Variants in ZFPM1 observed in about 807,000 individuals in gnomAD.
ZFPM1 encodes zinc finger protein ZFPM1.
Under a neutral mutation model 46.3 loss-of-function variants are expected in ZFPM1, and 28 were observed. That is an observed-to-expected ratio of 0.60 (90% CI 0.45 to 0.83). ZFPM1 has a LOEUF of 0.83. Ranked by LOEUF, ZFPM1 falls within the 40% of genes least tolerant of loss-of-function variation. ZFPM1 has a pLI of 0.00. For missense variants in ZFPM1, 1,878 were observed against 1,432.4 expected, an observed-to-expected ratio of 1.31 and a Z score of -5.02; for synonymous variants, 957 against 675.9, an observed-to-expected ratio of 1.42 and a Z score of -6.45.
In ZFPM1 at chr16:88,534,464, A is replaced by T; in HGVS notation, c.2506A>T (p.Lys836Ter). 6.7e-7 allele frequency: 1 copy of T among 1,493,944 alleles called. No individual in the cohort carries two copies. The highest frequency in any genetic ancestry group is 8.9e-7 in the Non-Finnish European group (1 of 1,128,862). The allele number at this position is 1,493,944 out of a possible 1,614,324, so 92.5% of individuals were successfully genotyped here. ...FHSLEAYLAH[K>*]KYSCPAAPPP... The stretch of plus-strand genomic sequence containing the variant: ...CAGCCTCGAGGCCTACCTGGCGCAC[A>T]AGAAGTACTCGTGCCCCGCTGCGCC... Residue 836 changes from lysine (K) to a stop codon, truncating the protein, a stop_gained, in exon 10 of 10, where the codon AAG becomes TAG. Coordinates refer to ENST00000319555, the MANE Select transcript of ZFPM1 (RefSeq NM_153813.3). LOFTEE classifies it low-confidence loss of function (END_TRUNC).
intron 3 of ZFPM1, among the ~76,000 whole-genome samples, chr16:88,495,868 A>G (rs1194116128): frequency 5.3e-5 from 8 of 152,070 alleles, no homozygotes; most frequent in African/African-American, 1.7e-4. Context: ...ACAAAATGCA[A>G]CTGGGCCATG....
chr16:88,522,753 G>A (rs528196359), intron 4 of ZFPM1, among the ~76,000 whole-genome samples: 6 of 152,258 alleles, frequency 3.9e-5, no homozygotes, highest in East Asian at 3.9e-4. Flanking sequence ...CCCAAGGGGC[G>A]GCAAACAGGG....
chr16:88,519,339 AGATGAATGGATGAGTGGATG>A (rs1299715898), intron 4 of ZFPM1, among the ~76,000 whole-genome samples: 1 of 132,898 alleles, frequency 7.5e-6, no homozygotes, highest in Non-Finnish European at 1.6e-5. Context: ...ATGAGTGGAT[AGATGAATGGATGAGTGGATG>A]GATGAATGGA....
In ZFPM1 at chr16:88,494,581, T is replaced by C. The variant is rs561047790; in HGVS notation, c.268+5428T>C. ...GGAGGGGGCTGATTCCAGGAGGGGG[T>C]GTCCGCGGGCCTCCAGGGTGAGTCG... On this transcript the variant is annotated intron_variant, in intron 3 of 9. Coordinates refer to ENST00000319555, the MANE Select transcript of ZFPM1 (RefSeq NM_153813.3). 5.3e-5 allele frequency among the ~76,000 whole-genome samples: 8 copies of C among 151,318 alleles called. No homozygotes were observed. In the South Asian group the frequency reaches 1.7e-3, roughly 32 times the overall value.
rs541772944 is a variant in ZFPM1, at chr16:88,510,258, C to T, written c.269-4129C>T. 2.6e-5 allele frequency among the ~76,000 whole-genome samples: 4 copies of T among 152,302 alleles called. No homozygotes were observed. In the East Asian group the frequency reaches 5.8e-4, roughly 22 times the overall value. On this transcript the variant is annotated intron_variant, in intron 3 of 9. Coordinates refer to ENST00000319555, the MANE Select transcript of ZFPM1 (RefSeq NM_153813.3). ...CCCCAGGCCTGTGGATTCCAAACCC[C>T]AGCTCTCCCTCCCCAGGCACCCCCA...
At chr16:88,460,984 A>G (rs796671595) in intron 1 of ZFPM1, among the ~76,000 whole-genome samples, 3 of 12,064 alleles carry the variant, frequency 2.5e-4, no homozygotes, top group East Asian at 3.4e-3. Context: ...GACCGAGGGG[A>G]GGGGCGGGAG....
In ZFPM1 at chr16:88,534,328, G is replaced by A. The variant is rs1005652750; in HGVS notation, c.2370G>A (p.Ala790=). 4 of 1,346,542 alleles carry A rather than the reference G, an allele frequency of 3.0e-6. No individual in the cohort carries two copies. Among genetic ancestry groups the A allele is most frequent in the South Asian group, 3.2e-5 (2 of 61,938 alleles). 83.4% of individuals were successfully genotyped at this position (1,346,542 alleles called of 1,614,324 possible). ...GLAPARSPGP[A]ADGPIDLSKK... ...CCCCTGCGCGCTCGCCCGGCCCCGC[G>A]GCCGACGGCCCCATCGACCTGAGCA... The change falls in exon 10 of 10, where the codon GCG becomes GCA. Residue 790 remains alanine, a synonymous_variant. Transcript: ENST00000319555.
At chr16:88,514,795 G>A (rs1911192428) in intron 4 of ZFPM1, among the ~76,000 whole-genome samples, 1 of 152,220 alleles carries the variant, frequency 6.6e-6, no homozygotes, top group African/African-American at 2.4e-5. Flanking sequence ...ACTGGGCATT[G>A]AAGCAGAGGA....
rs534187571 is a variant in ZFPM1, at chr16:88,504,672, G to A, written c.269-9715G>A. Among the ~76,000 whole-genome samples, 122 of 152,308 alleles carry A rather than the reference G, an allele frequency of 8.0e-4. 1 individual carries two copies. Among genetic ancestry groups the A allele is most frequent in the South Asian group, 1.7e-3 (8 of 4,824 alleles). On this transcript the variant is annotated intron_variant, in intron 3 of 9. Coordinates refer to ENST00000319555, the MANE Select transcript of ZFPM1 (RefSeq NM_153813.3). ...ACATGGCCCCCCTGTGTACCGTGGC[G>A]CTCTGCCTGCCAGTCCAGCTGCCCC...
intron 1 of ZFPM1, among the ~76,000 whole-genome samples, chr16:88,482,948 G>A (rs868263087): frequency 1.3e-5 from 2 of 152,206 alleles, no homozygotes; most frequent in Non-Finnish European, 2.9e-5. Context: ...GGGAGGCCTC[G>A]GTGGCTGCTT....
intron 3 of ZFPM1, among the ~76,000 whole-genome samples, chr16:88,492,849 C>T (rs1286069850): frequency 2.6e-5 from 4 of 152,220 alleles, no homozygotes; most frequent in Non-Finnish European, 5.9e-5. Context: ...TCCCAAGGGA[C>T]ACCCAAGAGG....
intron 1 of ZFPM1, among the ~76,000 whole-genome samples, chr16:88,461,947 G>C (rs537369815): frequency 1.3e-5 from 2 of 152,210 alleles, no homozygotes; most frequent in Non-Finnish European, 2.9e-5. Context: ...CCCTGGGGGT[G>C]GGCCCAGGTT....
intron 3 of ZFPM1, among the ~76,000 whole-genome samples, chr16:88,505,507 C>G (rs1005148580): frequency 5.9e-5 from 9 of 152,200 alleles, no homozygotes; most frequent in Non-Finnish European, 1.0e-4. Context: ...CCCTGGTGCC[C>G]TCAGGAGGTG....
At position 88,532,829 on chromosome 16, in the gene ZFPM1, C is replaced by T. The variant is rs542122129; in HGVS notation, c.1083C>T (p.Asp361=). 3.7e-6 allele frequency: 6 copies of T among 1,613,422 alleles called. No individual in the cohort carries two copies. Among genetic ancestry groups the T allele is most frequent in the Middle Eastern group, 1.6e-4 (1 of 6,062 alleles). ...GTGGCTTCATCTCCACCACAAGGGA[C>T]ATCCTCTACAGCCACTTGGTCACCA... ...HSCGFISTTR[D]ILYSHLVTNH... is the part of the protein sequence containing the mutation. Residue 361 remains aspartate (D), a synonymous_variant, in exon 9 of 10, where the codon GAC becomes GAT. Coordinates refer to ENST00000319555, the MANE Select transcript of ZFPM1 (RefSeq NM_153813.3).
chr16:88,498,693 G>C (rs79750369), intron 3 of ZFPM1, among the ~76,000 whole-genome samples: 3 of 152,218 alleles, frequency 2.0e-5, no homozygotes, highest in Non-Finnish European at 4.4e-5. Flanking sequence ...TCCCGGAGCC[G>C]GGGGCACCCC....
Position 88,533,363 on chromosome 16 carries a change from G to A in ZFPM1, c.1405G>A (p.Glu469Lys), listed in dbSNP as rs1320177321. 5 of 1,530,674 alleles carry A rather than the reference G, an allele frequency of 3.3e-6. No homozygotes were observed. The highest frequency in any genetic ancestry group is 4.0e-5 in the Admixed American group (2 of 50,152). The allele number at this position is 1,530,674 out of a possible 1,614,324, so 94.8% of individuals were successfully genotyped here. Residue 469 changes from glutamate to lysine, a missense_variant, in exon 10 of 10, where the codon GAG becomes AAG. Transcript: ENST00000319555. ...GAGCATCAAGGTGGAGGCGGTGGAG[G>A]AGCCGGAGGCGGCCCCCATCCTGGG... ...PRSIKVEAVE[E>K]PEAAPILGPG...
Position 88,534,097 on chromosome 16 carries a change from G to T in ZFPM1, c.2139G>T (p.Pro713=). Residue 713 remains proline (P), a synonymous_variant, in exon 10 of 10, where the codon CCG becomes CCT. Transcript: ENST00000319555. ...ACTGCGCCTCGCGCCACGACCCGCC[G>T]CCGCGCCGACCGGCCGCGCCCCCGG... is the stretch of plus-strand genomic sequence containing the variant. ...RYYCASRHDP[P]PRRPAAPPGP... is the part of the protein sequence containing the mutation. The T allele has an allele frequency of 8.5e-7, 1 of 1,182,022 alleles. No homozygotes were observed. Among genetic ancestry groups the T allele is most frequent in the South Asian group, 1.6e-5 (1 of 60,882 alleles). The allele number at this position is 1,182,022 out of a possible 1,614,324, so 73.2% of individuals were successfully genotyped here. A position where few individuals can be genotyped will look rare whatever the true frequency, so the allele number is the denominator to read the frequency against.
intron 1 of ZFPM1, among the ~76,000 whole-genome samples, chr16:88,470,933 G>A (rs970115152): frequency 6.6e-6 from 1 of 152,142 alleles, no homozygotes; most frequent in Non-Finnish European, 1.5e-5. Context: ...AGGGGATGAG[G>A]TCGTCCAGGA....
chr16:88,458,005 G>A (rs1907633500), intron 1 of ZFPM1, among the ~76,000 whole-genome samples: 1 of 152,210 alleles, frequency 6.6e-6, no homozygotes, highest in Admixed American at 6.5e-5. Context: ...AACAGCCAAT[G>A]CTTAAGAGCC....
Sources: allele counts gnomAD v4.1 joint callset (sites outside exome capture counted in the v4.1 genomes callset), GRCh38; gene constraint gnomAD v4.1.1; transcripts MANE v1.5; gene names NCBI Gene and HGNC (gene_info 2026-07-23, HGNC 2026-07-21).